Variants in EML1 observed in about 807,000 individuals in gnomAD.
The protein encoded by EML1 is EMAP like 1.
EML1 carries 27 observed loss-of-function variants against 110.4 expected under a neutral mutation model. That is an observed-to-expected ratio of 0.24 (90% CI 0.18 to 0.34). The LOEUF is 0.34. Among genes scored for constraint, EML1 ranks in the 10% least tolerant of loss-of-function variants. The pLI is 1.00. For synonymous variants in EML1, 344 were observed against 385.8 expected (o/e 0.89, Z 1.27); for missense variants, 741 against 1,030.9 (o/e 0.72, Z 3.85).
chr14:99,901,590 C>T (rs2140020952), intron 9 of EML1, among the ~76,000 whole-genome samples: 1 of 152,308 alleles, frequency 6.6e-6, no homozygotes, highest in Non-Finnish European at 1.5e-5. Context: ...ATATGCTAAA[C>T]AAGGGGTGGA....
intron 1 of EML1, among the ~76,000 whole-genome samples, chr14:99,783,047 G>T (rs560210662): frequency 5.8e-4 from 88 of 151,708 alleles, no homozygotes; most frequent in South Asian, 1.7e-3. Flanking sequence ...CAACATGAAG[G>T]TTTATTACAT....
chr14:99,824,635 G>C (rs773041583), intron 1 of EML1, among the ~76,000 whole-genome samples: 1 of 152,026 alleles, frequency 6.6e-6, no homozygotes, highest in Non-Finnish European at 1.5e-5. Context: ...TACAGTGCAG[G>C]TAGGTTTGTT....
chr14:99,760,957 G>A lies in EML1; in HGVS notation c.28+23097G>A, dbSNP rs146682762. ...ACCAAGGCCTGAGCCACAGGCAAGCGGGGAGAAAGAAAAACAGAACCACAG... is the reference window on the plus strand; with the variant it reads ...ACCAAGGCCTGAGCCACAGGCAAGCAGGGAGAAAGAAAAACAGAACCACAG... On this transcript the variant is annotated intron_variant, in intron 1 of 10. Transcript: ENST00000554479. 2.6e-3 allele frequency among the ~76,000 whole-genome samples: 398 copies of A among 151,722 alleles called. 4 individuals are homozygous for A. The highest frequency in any genetic ancestry group is 9.2e-3 in the African/African-American group (380 of 41,350).
chr14:99,775,487 A>G (rs78024992), intron 1 of EML1, among the ~76,000 whole-genome samples: 7,392 of 152,254 alleles, frequency 0.049, 206 homozygotes, highest in Middle Eastern at 0.055. Flanking sequence ...AGGCAGACCC[A>G]GAGTACAGCA....
intron 1 of EML1, among the ~76,000 whole-genome samples, chr14:99,758,344 T>G (rs2057278805): frequency 1.3e-5 from 2 of 152,190 alleles, no homozygotes; most frequent in African/African-American, 2.4e-5. Context: ...GAGGGCTTTT[T>G]CTGGAGTTCT....
In EML1 at chr14:99,850,902, T is replaced by A; in HGVS notation, c.117T>A (p.Ala39=). The change falls in exon 2 of 22, where the codon GCT becomes GCA. Residue 39 remains alanine (A), a synonymous_variant. Transcript: ENST00000262233. The stretch of plus-strand genomic sequence containing the variant: ...GCATGGAGGTGACAGACCGCATTGC[T>A]TCACTGGAGCAGAGAGTCCAGATGC... ...ASSMEVTDRI[A]SLEQRVQMQE... 1 of 1,614,192 alleles carries A rather than the reference T, an allele frequency of 6.2e-7. No individual in the cohort carries two copies. Among genetic ancestry groups the A allele is most frequent in the Non-Finnish European group, 8.5e-7 (1 of 1,180,024 alleles).
rs558340149 is a variant in EML1, at chr14:99,853,779, C to T, written c.250+2744C>T. On this transcript the variant is annotated intron_variant, in intron 2 of 21. Transcript: ENST00000262233. ...CCGCCTCCCGGGTTCAAGCGATTCT[C>T]CAGCCTCAGCTTCCCGAGTTGCTGG... is the stretch of plus-strand genomic sequence containing the variant. Among the ~76,000 whole-genome samples, 5 of 152,294 alleles carry T rather than the reference C, an allele frequency of 3.3e-5. No homozygotes were observed. The South Asian group carries it at 8.3e-4, about 25-fold the overall frequency.
chr14:99,786,310 T>C (rs1431604581), intron 1 of EML1, among the ~76,000 whole-genome samples: 1 of 152,172 alleles, frequency 6.6e-6, no homozygotes, highest in Non-Finnish European at 1.5e-5. Flanking sequence ...AATGTTACCC[T>C]GGAGAAGATG....
intron 8 of EML1, among the ~76,000 whole-genome samples, chr14:99,898,769 A>C (rs1453662103): frequency 1.3e-5 from 2 of 148,900 alleles, no homozygotes; most frequent in Admixed American, 1.3e-4. Context: ...AAAAAAAAAA[A>C]TACTGACTGT....
chr14:99,880,622 A>G (rs1304139907), intron 4 of EML1, among the ~76,000 whole-genome samples: 1 of 152,160 alleles, frequency 6.6e-6, no homozygotes, highest in East Asian at 1.9e-4. Flanking sequence ...CGACATGTCC[A>G]TTGTTCCTGC....
At chr14:99,786,152 G>A (rs1483320723) in intron 1 of EML1, among the ~76,000 whole-genome samples, 7 of 152,020 alleles carry the variant, frequency 4.6e-5, no homozygotes, top group Non-Finnish European at 8.8e-5. Context: ...TGCCACCCAG[G>A]TGAAAGTGCT....
intron 1 of EML1, among the ~76,000 whole-genome samples, chr14:99,813,861 A>G (rs1184267083): frequency 1.3e-5 from 2 of 152,128 alleles, no homozygotes; most frequent in African/African-American, 4.8e-5. Flanking sequence ...ATTTATTTTT[A>G]TGCTCCAGAA....
At chr14:99,928,346 C>A (rs1695146167) in intron 17 of EML1, among the ~76,000 whole-genome samples, 1 of 151,344 alleles carries the variant, frequency 6.6e-6, no homozygotes, top group African/African-American at 2.4e-5. Flanking sequence ...GCTCCTGGGT[C>A]CTTTTGACGT....
Position 99,878,525 on chromosome 14 carries a change from G to C in EML1, c.424G>C (p.Gly142Arg), listed in dbSNP as rs1595421061. The C allele has an allele frequency of 6.2e-7, 1 of 1,614,098 alleles. No individual in the cohort carries two copies. The highest frequency in any genetic ancestry group is 8.5e-7 in the Non-Finnish European group (1 of 1,179,992). ...RTSSSERVSP[G>R]GRRESNGDSR... ...CAGCTCTTCTGAACGAGTGTCTCCT[G>C]GGGGTCGAAGGGAAAGCAATGGGGA... Residue 142 changes from glycine (G) to arginine (R), a missense_variant, in exon 4 of 22, where the codon GGG (glycine) becomes CGG (arginine). Physicochemically the swap from Gly to Arg is moderately radical, Grantham distance 125. Coordinates refer to ENST00000262233, the MANE Select transcript of EML1 (RefSeq NM_004434.3).
chr14:99,938,109 C>T (rs1355213595), intron 20 of EML1, among the ~76,000 whole-genome samples, 197 bp downstream of exon 20: 8 of 152,138 alleles, frequency 5.3e-5, no homozygotes, highest in Admixed American at 5.2e-4. Flanking sequence ...TGAGAAGAAC[C>T]AGAGAGATGG....
chr14:99,800,549 A>G (rs2057856882), intron 1 of EML1, among the ~76,000 whole-genome samples: 1 of 152,008 alleles, frequency 6.6e-6, no homozygotes, highest in Non-Finnish European at 1.5e-5. Flanking sequence ...AATTTTTTAG[A>G]GATGCAGTCT....
chr14:99,926,253 A>AAGG (rs2060230872), intron 17 of EML1, among the ~76,000 whole-genome samples: 1 of 151,254 alleles, frequency 6.6e-6, no homozygotes, highest in Non-Finnish European at 1.5e-5. Flanking sequence ...CAGCTAGAAG[A>AAGG]ACTGCCCTCT....
chr14:99,871,988 G>T (rs1042363983), intron 3 of EML1, among the ~76,000 whole-genome samples: 2 of 152,164 alleles, frequency 1.3e-5, no homozygotes, highest in African/African-American at 4.8e-5. Flanking sequence ...TTCCAGGTCA[G>T]CCCTGACATC....
intron 3 of EML1, among the ~76,000 whole-genome samples, chr14:99,876,741 C>T (rs773326090): frequency 5.3e-5 from 8 of 152,176 alleles, no homozygotes; most frequent in Non-Finnish European, 1.2e-4. Flanking sequence ...GAGCCCTGGC[C>T]CTAGAACAGC....
Sources: allele counts gnomAD v4.1 joint callset (sites outside exome capture counted in the v4.1 genomes callset), GRCh38; gene constraint gnomAD v4.1.1; transcripts MANE v1.5; gene names NCBI Gene and HGNC (gene_info 2026-07-23, HGNC 2026-07-21).